TLK1: variants seen among roughly 807,000 people sequenced by gnomAD.
The protein encoded by TLK1 is serine/threonine-protein kinase tousled-like 1.
In TLK1, 24 loss-of-function variants were observed where a neutral mutation model predicts 105.3. The observed-to-expected ratio is 0.23, with a 90% confidence interval of 0.17 to 0.32. The LOEUF is 0.32. Among genes scored for constraint, TLK1 ranks in the 10% least tolerant of loss-of-function variants. TLK1 has a pLI of 1.00. For synonymous variants in TLK1, 321 were observed against 310.4 expected (o/e 1.03, Z -0.36); for missense variants, 558 against 910.5 (o/e 0.61, Z 4.98).
At chr2:171,133,819 G>T (rs1691200934) in intron 1 of TLK1, among the ~76,000 whole-genome samples, 3 of 151,088 alleles carry the variant, frequency 2.0e-5, no homozygotes, top group Admixed American at 2.0e-4. Flanking sequence ...TGGGACCCAA[G>T]TCTAAACATA....
chr2:171,114,824 G>A lies in TLK1; in HGVS notation c.258+2915C>T, dbSNP rs562187876. ...CACTCCAGCCTGAGTGACAGAGTGAGATCCTGTCTCAGAGGGAAAAAAAAA... is the reference window on the plus strand; with the variant it reads ...CACTCCAGCCTGAGTGACAGAGTGAAATCCTGTCTCAGAGGGAAAAAAAAA... On this transcript the variant is annotated intron_variant, in intron 2 of 20. Transcript: ENST00000431350. Among the ~76,000 whole-genome samples the A allele has an allele frequency of 3.3e-5, 5 of 151,926 alleles. 1 individual carries two copies. Among genetic ancestry groups the A allele is most frequent in the African/African-American group, 1.2e-4 (5 of 41,426 alleles).
At chr2:171,187,073 AAAAAAAAAAAG>A (rs1444036981) in intron 1 of TLK1, among the ~76,000 whole-genome samples, 4 of 128,372 alleles carry the variant, frequency 3.1e-5, no homozygotes, top group African/African-American at 1.4e-4. Flanking sequence ...AAAAAAAAAA[AAAAAAAAAAAG>A]AAAAAGAAAA....
intron 11 of TLK1, chr2:171,045,226 CTCTTT>C (rs1271314387): frequency 2.9e-5 from 2 of 69,842 alleles, no homozygotes; most frequent in Non-Finnish European, 5.3e-5. Flanking sequence ...CATGTATTTT[CTCTTT>C]TTTTTTTTTT....
chr2:171,225,852 C>G, intron 1 of TLK1, among the ~76,000 whole-genome samples: 1 of 152,092 alleles, frequency 6.6e-6, no homozygotes, highest in Non-Finnish European at 1.5e-5. Flanking sequence ...TTCCAAGGAG[C>G]CCTGATTTCT....
chr2:171,138,122 G>C (rs368334909), intron 1 of TLK1, among the ~76,000 whole-genome samples: 3 of 152,052 alleles, frequency 2.0e-5, no homozygotes, highest in Non-Finnish European at 4.4e-5. Context: ...AGCTCAAGGG[G>C]GTAGAGATAG....
chr2:171,170,614 G>C (rs1692709518), intron 1 of TLK1, among the ~76,000 whole-genome samples: 1 of 152,218 alleles, frequency 6.6e-6, no homozygotes, highest in African/African-American at 2.4e-5. Context: ...AGGTACTATA[G>C]AGACCAGATA....
rs775098230 is a variant in TLK1, at chr2:171,059,963, G to A, written c.406+1118C>T. On this transcript the variant is annotated intron_variant, in intron 4 of 20. Coordinates refer to ENST00000431350, the MANE Select transcript of TLK1 (RefSeq NM_012290.5). ...CCCATTTCCCAATAGGCCAAGGACT[G>A]GAAGACCGGGAGGTTGGGGAACCCT... 7 of 1,607,618 alleles carry A rather than the reference G, an allele frequency of 4.4e-6. No individual in the cohort carries two copies. The South Asian group carries it at 4.4e-5, about 10-fold the overall frequency.
intron 11 of TLK1, among the ~76,000 whole-genome samples, chr2:171,036,561 T>C (rs1686349453): frequency 6.6e-6 from 1 of 152,238 alleles, no homozygotes; most frequent in Non-Finnish European, 1.5e-5. Context: ...GGAGTTTGAA[T>C]GGATTTTGAA....
intron 1 of TLK1, among the ~76,000 whole-genome samples, chr2:171,208,862 A>T (rs1261224895): frequency 6.6e-6 from 1 of 152,174 alleles, no homozygotes; most frequent in African/African-American, 2.4e-5. Flanking sequence ...ATGCACTTTG[A>T]CTCAACAATT....
upstream of TLK1, among the ~76,000 whole-genome samples, chr2:171,162,768 A>C (rs1692537620): frequency 6.6e-6 from 1 of 152,070 alleles, no homozygotes; most frequent in African/African-American, 2.4e-5. Flanking sequence ...CCATACAGTC[A>C]ATTTGTACTC....
chr2:171,203,366 C>T (rs974062638), intron 1 of TLK1, among the ~76,000 whole-genome samples: 7 of 152,088 alleles, frequency 4.6e-5, no homozygotes, highest in Non-Finnish European at 7.4e-5. Context: ...TTATCCCCAG[C>T]CCCTAGCAAC....
intron 1 of TLK1, among the ~76,000 whole-genome samples, chr2:171,180,716 T>C (rs895665097): frequency 5.9e-5 from 9 of 152,184 alleles, no homozygotes. Flanking sequence ...TGAGTGACTG[T>C]TACTGAGACA....
chr2:171,014,821 T>C, intron 13 of TLK1, 30 bp downstream of exon 13: 3 of 1,525,616 alleles, frequency 2.0e-6, no homozygotes, highest in Non-Finnish European at 2.7e-6. Flanking sequence ...TTTAATAATA[T>C]GAAACTGTGA....
chr2:171,013,318 CT>C (rs774923512), intron 13 of TLK1, among the ~76,000 whole-genome samples: 1,146 of 74,120 alleles, frequency 0.015, 9 homozygotes, highest in African/African-American at 0.055. Context: ...TGGCCCCTCA[CT>C]TTTTTTTTTT....
intron 12 of TLK1, among the ~76,000 whole-genome samples, chr2:171,021,972 A>G (rs1685532690): frequency 6.6e-6 from 1 of 151,812 alleles, no homozygotes; most frequent in Non-Finnish European, 1.5e-5. Context: ...GCATGGTGGC[A>G]CATGCCTGTA....
At chr2:171,213,913 G>C (rs1409337905) in intron 1 of TLK1, among the ~76,000 whole-genome samples, 2 of 150,470 alleles carry the variant, frequency 1.3e-5, no homozygotes, top group Non-Finnish European at 3.0e-5. Flanking sequence ...TTTTTTTAGA[G>C]AAGAGGTCTT....
intron 1 of TLK1, among the ~76,000 whole-genome samples, chr2:171,169,034 C>T (rs1184829919): frequency 1.3e-5 from 2 of 151,596 alleles, no homozygotes; most frequent in East Asian, 3.9e-4. Flanking sequence ...GCCGAGATCT[C>T]GCCACTGCAC....
At chr2:171,097,960 C>T (rs12473741) in intron 2 of TLK1, among the ~76,000 whole-genome samples, 5,575 of 139,498 alleles carry the variant, frequency 0.04, 412 homozygotes, top group East Asian at 0.32. Flanking sequence ...AGGGGTGGGG[C>T]GGGGAGAGAG....
chr2:171,231,243 CCT>C (rs946350588), exon 1 of TLK1: 3 of 152,146 alleles, frequency 2.0e-5, no homozygotes, highest in African/African-American at 7.2e-5. Flanking sequence ...CTGTTCTGTG[CCT>C]CTCTCCTAGC....
Sources: gnomAD v4.1 joint callset for allele counts (sites outside exome capture counted in the v4.1 genomes callset) on GRCh38, gnomAD v4.1.1 for gene constraint, MANE v1.5 for transcripts, NCBI Gene and HGNC (gene_info 2026-07-23, HGNC 2026-07-21) for gene names.